The following SVOPL variants were observed in gnomAD, a reference collection of about 807,000 sequenced individuals.
SVOPL encodes putative transporter SVOPL.
A neutral mutation model predicts 61.0 loss-of-function variants in SVOPL; 60 were observed. That is an observed-to-expected ratio of 0.98 (90% CI 0.80 to 1.22). The LOEUF is 1.22. Among genes scored for constraint, SVOPL ranks in the 50% most tolerant of loss-of-function variants. The probability of loss-of-function intolerance (pLI) is 0.00; values close to 1 mark genes in which losing one functional copy is unlikely to be tolerated. For missense variants in SVOPL, 662 were observed against 643.9 expected (o/e 1.03, Z -0.30); for synonymous variants, 279 against 250.0 (o/e 1.12, Z -1.09).
intron 14 of SVOPL, among the ~76,000 whole-genome samples, chr7:138,602,374 C>T (rs1256901962): frequency 6.6e-6 from 1 of 151,312 alleles, no homozygotes; most frequent in Non-Finnish European, 1.5e-5. Context: ...AATCTATGCA[C>T]CTACTTAAAA....
chr7:138,610,323 A>G (rs1196851762), intron 14 of SVOPL, among the ~76,000 whole-genome samples: 1 of 151,976 alleles, frequency 6.6e-6, no homozygotes, highest in Non-Finnish European at 1.5e-5. Flanking sequence ...TATAAAAAGT[A>G]CTATGATATT....
chr7:138,654,885 T>TAA (rs34546434), intron 7 of SVOPL, among the ~76,000 whole-genome samples: 1 of 88,308 alleles, frequency 1.1e-5, no homozygotes, highest in South Asian at 3.5e-4. Context: ...TTTTTTTTTT[T>TAA]AAAAAAAAAA....
chr7:138,661,758 A>T (rs900655178), intron 5 of SVOPL: 16 of 878,196 alleles, frequency 1.8e-5, no homozygotes, highest in Non-Finnish European at 2.0e-5. Context: ...TAAAAAACCC[A>T]CTTGTAACTG....
intron 11 of SVOPL, 118 bp from the exon 12 acceptor site, chr7:138,627,579 C>A (rs1376960324): frequency 1.4e-6 from 1 of 719,074 alleles, no homozygotes; most frequent in Non-Finnish European, 2.3e-6. Context: ...CCAAACCTCA[C>A]GAGTATTCCA....
intron 7 of SVOPL, among the ~76,000 whole-genome samples, chr7:138,653,150 T>C (rs1231574461): frequency 6.6e-6 from 1 of 152,160 alleles, no homozygotes; most frequent in Non-Finnish European, 1.5e-5. Flanking sequence ...AGTCTGAAGC[T>C]AGCAGGGGTT....
At chr7:138,639,914 GTTT>G (rs71179710) in intron 9 of SVOPL, among the ~76,000 whole-genome samples, 5 of 148,138 alleles carry the variant, frequency 3.4e-5, no homozygotes, top group African/African-American at 9.9e-5. Flanking sequence ...CACTATGCCT[GTTT>G]TTTTTTTTTA....
At chr7:138,668,262 C>T (rs1802325388) in intron 4 of SVOPL, among the ~76,000 whole-genome samples, 2 of 152,162 alleles carry the variant, frequency 1.3e-5, no homozygotes, top group Admixed American at 1.3e-4. Context: ...TCCTTAAAAA[C>T]TCTGCTCCCC....
At chr7:138,618,872 A>G (rs1252544494) in intron 14 of SVOPL, among the ~76,000 whole-genome samples, 2 of 152,232 alleles carry the variant, frequency 1.3e-5, no homozygotes, top group Non-Finnish European at 2.9e-5. Context: ...TGAGAATTAC[A>G]AGGAGTTAAG....
intron 13 of SVOPL, among the ~76,000 whole-genome samples, chr7:138,622,226 C>CTATG (rs1799682439): frequency 3.4e-5 from 3 of 88,864 alleles, no homozygotes; most frequent in African/African-American, 1.3e-4. Context: ...ATCTATGTAT[C>CTATG]TATCTATGTA....
chr7:138,644,984 G>T, intron 8 of SVOPL, 139 bp from the exon 9 acceptor site: 3 of 1,104,796 alleles, frequency 2.7e-6, no homozygotes, highest in Non-Finnish European at 3.9e-6. Context: ...ATGCAATGTA[G>T]CAGGTATTCT....
chr7:138,643,896 A>C (rs562921957), intron 9 of SVOPL, among the ~76,000 whole-genome samples: 2 of 152,148 alleles, frequency 1.3e-5, no homozygotes, highest in Admixed American at 1.3e-4. Flanking sequence ...AAAACTGTTA[A>C]GATAATAAAT....
chr7:138,620,976 T>C (rs899769936), intron 14 of SVOPL, 70 bp downstream of exon 14: 2 of 1,392,766 alleles, frequency 1.4e-6, no homozygotes, highest in South Asian at 2.5e-5. Flanking sequence ...GCCTTTAATC[T>C]GAAGGTCCCT....
intron 15 of SVOPL, among the ~76,000 whole-genome samples, chr7:138,595,403 A>G (rs1798239129): frequency 6.6e-6 from 1 of 152,136 alleles, no homozygotes; most frequent in Admixed American, 6.5e-5. Flanking sequence ...TATTGAACCT[A>G]CTTGTTTGTT....
chr7:138,612,447 T>TAAAAAAAAAAAAAAAAAAAAAAAA (rs59229265), intron 14 of SVOPL, among the ~76,000 whole-genome samples: 2 of 22,298 alleles, frequency 9.0e-5, no homozygotes, highest in African/African-American at 1.6e-4. Context: ...AAAAAAAAAA[T>TAAAAAAAAAAAAAAAAAAAAAAAA]AAAAAAAAAA....
chr7:138,659,855 C>T lies in SVOPL; in HGVS notation c.470+9G>A, dbSNP rs1367681932. 3 of 1,551,128 alleles carry T rather than the reference C, an allele frequency of 1.9e-6. No individual in the cohort carries two copies. Among genetic ancestry groups the T allele is most frequent in the South Asian group, 1.2e-5 (1 of 84,034 alleles). On this transcript the variant is annotated intron_variant, in intron 6 of 15. Transcript: ENST00000674285. ...TTCTGTCTCAGGGTCCCCTGGGTAA[C>T]ATATTTACCCTTGCGAGTGGCCGGA...
chr7:138,642,899 A>G (rs991239932), intron 9 of SVOPL, among the ~76,000 whole-genome samples: 7 of 151,778 alleles, frequency 4.6e-5, no homozygotes, highest in Non-Finnish European at 1.0e-4. Context: ...AATTGACTCA[A>G]TCAAAAGTAT....
Position 138,657,971 on chromosome 7 carries a change from G to C in SVOPL, c.471-1460C>G, listed in dbSNP as rs544496956. Among the ~76,000 whole-genome samples, 10 of 152,266 alleles carry C rather than the reference G, an allele frequency of 6.6e-5. No individual in the cohort carries two copies. In the South Asian group the frequency reaches 2.1e-3, roughly 32 times the overall value. The stretch of plus-strand genomic sequence containing the variant: ...GCCATGGCATTTGTAAGCTGTCCTG[G>C]CACCACTGGGAGTGTCTTTTGGCAT... On this transcript the variant is annotated intron_variant, in intron 6 of 15. Transcript: ENST00000674285.
At position 138,622,190 on chromosome 7, in the gene SVOPL, CTATCTATCTATG is replaced by C. The variant is rs1799671590; in HGVS notation, c.1264-1067_1264-1056del. Among the ~76,000 whole-genome samples, 9 of 73,358 alleles carry C rather than the reference CTATCTATCTATG, an allele frequency of 1.2e-4. 1 individual carries two copies. Among genetic ancestry groups the C allele is most frequent in the African/African-American group, 4.7e-4 (9 of 19,278 alleles). 48.1% of individuals were successfully genotyped at this position (73,358 alleles called of 152,430 possible). On this transcript the variant is annotated intron_variant, in intron 13 of 15. Coordinates refer to ENST00000674285, the MANE Select transcript of SVOPL (RefSeq NM_001139456.2). ...TGTATCTATCTGTCTATGTATCTAT[CTATCTATCTATG>C]TATCTATCTATCTATCTATGTATCT... is the stretch of plus-strand genomic sequence containing the variant.
Position 138,629,983 on chromosome 7 carries a change from T to C in SVOPL, c.863+66A>G. On this transcript the variant is annotated intron_variant, in intron 10 of 15. Coordinates refer to ENST00000674285, the MANE Select transcript of SVOPL (RefSeq NM_001139456.2). Reference sequence around the variant, plus strand: ...TCTCCCCAGTGGCACTCACATAGATTTACTTAAATAGGCTTCCTCCCAATG... The same window carrying C: ...TCTCCCCAGTGGCACTCACATAGATCTACTTAAATAGGCTTCCTCCCAATG... 2.2e-6 allele frequency: 3 copies of C among 1,337,912 alleles called. No individual in the cohort carries two copies. The South Asian group carries it at 3.6e-5, about 16-fold the overall frequency. 82.9% of individuals were successfully genotyped at this position (1,337,912 alleles called of 1,614,324 possible).
Sources: gnomAD v4.1 joint callset for allele counts (sites outside exome capture counted in the v4.1 genomes callset) on GRCh38, gnomAD v4.1.1 for gene constraint, MANE v1.5 for transcripts, NCBI Gene and HGNC (gene_info 2026-07-23, HGNC 2026-07-21) for gene names.